Variants in TMOD2 observed in about 807,000 individuals in gnomAD.
The protein encoded by TMOD2 is tropomodulin 2.
A neutral mutation model predicts 39.9 loss-of-function variants in TMOD2; 22 were observed. The observed-to-expected ratio is 0.55, with a 90% CI of 0.39 to 0.79. The LOEUF is 0.79. Among genes scored for constraint, TMOD2 ranks in the 30% least tolerant of loss-of-function variants. The pLI is 0.00. For missense variants in TMOD2, 386 were observed against 413.3 expected, an observed-to-expected ratio of 0.93 and a Z score of 0.57; for synonymous variants, 123 against 146.1, an observed-to-expected ratio of 0.84 and a Z score of 1.14.
At chr15:51,765,132 C>G (rs2055808147) in intron 1 of TMOD2, among the ~76,000 whole-genome samples, 1 of 152,136 alleles carries the variant, frequency 6.6e-6, no homozygotes, top group South Asian at 2.1e-4. Context: ...TCCCGACTAG[C>G]TGGGACTACA....
At position 51,808,446 on chromosome 15, in the gene TMOD2, C is replaced by T. The variant is rs779836040; in HGVS notation, c.1048C>T (p.Arg350Ter). The T allele has an allele frequency of 2.9e-5, 47 of 1,611,572 alleles. 1 individual carries two copies. Among genetic ancestry groups the T allele is most frequent in the South Asian group, 5.5e-5 (5 of 90,672 alleles). The change falls in exon 10 of 10, where the codon CGA (arginine) becomes TGA (stop). Residue 350 changes from arginine to a stop codon, truncating the protein, a stop_gained. Coordinates refer to ENST00000249700, the MANE Select transcript of TMOD2 (RefSeq NM_014548.4). LOFTEE classifies it high-confidence loss of function. The part of the protein sequence containing the change: ...LVRKKRVEAD[R>*]R ...TCGTAAGAAGAGAGTTGAAGCAGAC[C>T]GAAGGTAAACTTCCTTGAGGAGAAG...
intron 3 of TMOD2, 145 bp from the exon 4 acceptor site, chr15:51,773,567 C>T (rs573040962): frequency 2.9e-6 from 2 of 687,446 alleles, no homozygotes; most frequent in East Asian, 3.3e-5. Context: ...TTGGTACCAT[C>T]CTGGCAATCC....
chr15:51,775,777 C>T (rs1403648739), intron 4 of TMOD2, among the ~76,000 whole-genome samples: 1 of 151,980 alleles, frequency 6.6e-6, no homozygotes, highest in Non-Finnish European at 1.5e-5. Context: ...GGGGCTTCGC[C>T]ATGTTGGCCA....
chr15:51,751,867 CCT>C (rs1368053666), intron 1 of TMOD2, among the ~76,000 whole-genome samples, 155 bp downstream of exon 1: 1 of 149,884 alleles, frequency 6.7e-6, no homozygotes, highest in African/African-American at 2.4e-5. Context: ...AGCCGGGCCG[CCT>C]CTCGCCTCTC....
Position 51,811,550 on chromosome 15 carries a change from C to G in TMOD2, c.*3096C>G, listed in dbSNP as rs1310796273. On this transcript the variant is annotated 3_prime_UTR_variant, in exon 10 of 10. Coordinates refer to ENST00000249700, the MANE Select transcript of TMOD2 (RefSeq NM_014548.4). ...TAGAAATCATATGATTAGTTCAGCA[C>G]TGCAGCTCCCCATCTGCTTATAGTG... 1 of 152,542 alleles carries G rather than the reference C, an allele frequency of 6.6e-6. No homozygotes were observed. The highest frequency in any genetic ancestry group is 2.4e-5 in the African/African-American group (1 of 41,450). 9.4% of individuals were successfully genotyped at this position (152,542 alleles called of 1,614,324 possible). A position where few individuals can be genotyped will look rare whatever the true frequency, so the allele number is the denominator to read the frequency against.
At chr15:51,790,743 A>G (rs1245579676) in intron 7 of TMOD2, among the ~76,000 whole-genome samples, 2 of 152,190 alleles carry the variant, frequency 1.3e-5, no homozygotes, top group Non-Finnish European at 2.9e-5. Flanking sequence ...AACAAAACCA[A>G]CTACAAAAAC....
At chr15:51,787,448 C>T (rs1457118829) in intron 7 of TMOD2, among the ~76,000 whole-genome samples, 1 of 152,264 alleles carries the variant, frequency 6.6e-6, no homozygotes, top group Non-Finnish European at 1.5e-5. Context: ...AGGCAGCAGA[C>T]AGCTTCTCCA....
intron 3 of TMOD2, among the ~76,000 whole-genome samples, chr15:51,770,214 C>T (rs1318388246): frequency 6.6e-6 from 1 of 152,132 alleles, no homozygotes. Context: ...TTCTTTTCCT[C>T]TCTCAGGCTG....
intron 2 of TMOD2, among the ~76,000 whole-genome samples, chr15:51,767,397 A>G (rs1047214966): frequency 5.3e-5 from 8 of 152,234 alleles, no homozygotes; most frequent in African/African-American, 1.9e-4. Flanking sequence ...TGATGAACTT[A>G]TAACAAAGAA....
chr15:51,784,818 A>T (rs910755178), intron 7 of TMOD2: 1 of 152,232 alleles, frequency 6.6e-6, no homozygotes, highest in African/African-American at 2.4e-5. Flanking sequence ...ATAAAGGGAT[A>T]AAGAAATGAT....
In TMOD2 at chr15:51,809,864, A is replaced by G. The variant is rs1265086149; in HGVS notation, c.*1410A>G. On this transcript the variant is annotated 3_prime_UTR_variant, in exon 10 of 10. Coordinates refer to ENST00000249700, the MANE Select transcript of TMOD2 (RefSeq NM_014548.4). ...TGCCTAGTAGCAATAAAACAAGTGAATAGGAAAATAATTAATATATTATTC... is the reference window on the plus strand; with the variant it reads ...TGCCTAGTAGCAATAAAACAAGTGAGTAGGAAAATAATTAATATATTATTC... The G allele has an allele frequency of 1.3e-5, 2 of 152,182 alleles. No homozygotes were observed. The highest frequency in any genetic ancestry group is 4.8e-5 in the African/African-American group (2 of 41,440). 9.4% of individuals were successfully genotyped at this position (152,182 alleles called of 1,614,324 possible). A position where few individuals can be genotyped will look rare whatever the true frequency, so the allele number is the denominator to read the frequency against.
chr15:51,777,220 T>C (rs563255790), intron 5 of TMOD2, among the ~76,000 whole-genome samples: 2 of 152,330 alleles, frequency 1.3e-5, no homozygotes, highest in Admixed American at 6.5e-5. Flanking sequence ...TCAGTGTGTG[T>C]TGCCCAGAAC....
At chr15:51,785,570 A>C (rs1292743348) in intron 7 of TMOD2, among the ~76,000 whole-genome samples, 1 of 150,812 alleles carries the variant, frequency 6.6e-6, no homozygotes, top group Non-Finnish European at 1.5e-5. Flanking sequence ...CAAGCCAAGC[A>C]AAAAAAAATA....
Position 51,810,607 on chromosome 15 carries a change from A to G in TMOD2, c.*2153A>G, listed in dbSNP as rs1447113914. ...TCAGCACACCACTGGGTGAAATTATACATTTTTTTATACATATGTTTCGCT... is the reference window on the plus strand; with the variant it reads ...TCAGCACACCACTGGGTGAAATTATGCATTTTTTTATACATATGTTTCGCT... On this transcript the variant is annotated 3_prime_UTR_variant, in exon 10 of 10. Transcript: ENST00000249700. 1.3e-5 allele frequency: 2 copies of G among 152,186 alleles called. No individual in the cohort carries two copies. The highest frequency in any genetic ancestry group is 2.4e-5 in the African/African-American group (1 of 41,450). 9.4% of individuals were successfully genotyped at this position (152,186 alleles called of 1,614,324 possible).
chr15:51,805,283 A>G (rs1595880299), intron 8 of TMOD2, among the ~76,000 whole-genome samples: 1 of 152,178 alleles, frequency 6.6e-6, no homozygotes, highest in African/African-American at 2.4e-5. Context: ...AAAAGAAAAA[A>G]AAACCCTCTA....
intron 8 of TMOD2, among the ~76,000 whole-genome samples, chr15:51,801,288 GTCTCTCTCTCTCTCTCTC>G: frequency 1.8e-5 from 2 of 111,730 alleles, no homozygotes; most frequent in South Asian, 6.5e-4. Flanking sequence ...CACACACCCT[GTCTCTCTCTCTCTCTCTC>G]TCTCTCTCTA....
intron 7 of TMOD2, among the ~76,000 whole-genome samples, chr15:51,785,515 T>G (rs999052282): frequency 1.3e-5 from 2 of 152,024 alleles, no homozygotes; most frequent in Non-Finnish European, 2.9e-5. Flanking sequence ...ATCCTGTCAT[T>G]TTCAGCACCA....
chr15:51,782,806 G>A lies in TMOD2; in HGVS notation c.710G>A (p.Arg237His), dbSNP rs746874496. 33 of 1,613,788 alleles carry A rather than the reference G, an allele frequency of 2.0e-5. No homozygotes were observed. The highest frequency in any genetic ancestry group is 4.5e-5 in the East Asian group (2 of 44,878). The stretch of plus-strand genomic sequence containing the variant: ...AAGAAGTTCAGCCTGGCCGCAACTC[G>A]CAGCAATGACCCTGTGGCCATTGTG... Reference protein sequence around the residue: ...HVKKFSLAATRSNDPVAIAFA... With the variant: ...HVKKFSLAATHSNDPVAIAFA... The change falls in exon 7 of 10, where the codon CGC becomes CAC. Residue 237 changes from arginine (R) to histidine (H), a missense_variant. By Grantham distance (29) the Arg-to-His change is conservative. Transcript: ENST00000249700.
chr15:51,768,493 T>A, intron 3 of TMOD2, 75 bp downstream of exon 3: 2 of 1,380,498 alleles, frequency 1.4e-6, no homozygotes, highest in Non-Finnish European at 2.0e-6. Context: ...CACTCTTAAT[T>A]AAGATTACCT....
Sources: allele counts gnomAD v4.1 joint callset (sites outside exome capture counted in the v4.1 genomes callset), GRCh38; gene constraint gnomAD v4.1.1; transcripts MANE v1.5; gene names NCBI Gene and HGNC (gene_info 2026-07-23, HGNC 2026-07-21).